PLXNA2: variants seen among roughly 807,000 people sequenced by gnomAD.
PLXNA2 encodes the protein plexin A2.
In PLXNA2, 91 loss-of-function variants were observed where a neutral mutation model predicts 193.5. The ratio of observed to expected loss-of-function variants is 0.47; its 90% confidence interval spans 0.40 to 0.56. The LOEUF (loss-of-function observed/expected upper bound fraction) is 0.56, where lower values mean the gene tolerates loss of function less well. Among genes scored for constraint, PLXNA2 ranks in the 20% least tolerant of loss-of-function variants. The pLI is 0.00. For missense variants in PLXNA2, 1,995 were observed against 2,503.2 expected (o/e 0.80, Z 4.33); for synonymous variants, 997 against 1,027.3 (o/e 0.97, Z 0.56).
chr1:208,203,845 T>C (rs752893077), intron 3 of PLXNA2, among the ~76,000 whole-genome samples: 1 of 152,240 alleles, frequency 6.6e-6, no homozygotes, highest in Non-Finnish European at 1.5e-5. Flanking sequence ...CACGGAAACG[T>C]ATCTTGTAAA....
At chr1:208,076,455 C>A (rs2405519) in intron 12 of PLXNA2, among the ~76,000 whole-genome samples, 1 of 152,192 alleles carries the variant, frequency 6.6e-6, no homozygotes, top group Non-Finnish European at 1.5e-5. Flanking sequence ...GTGAAATCCA[C>A]GGCTATCAAT....
intron 3 of PLXNA2, among the ~76,000 whole-genome samples, chr1:208,148,460 T>G (rs1472767497): frequency 6.6e-6 from 1 of 152,178 alleles, no homozygotes. Flanking sequence ...TTCAGGCAAG[T>G]CATTTCACTT....
intron 3 of PLXNA2, among the ~76,000 whole-genome samples, chr1:208,172,033 A>AG (rs1213523271): frequency 1.3e-5 from 2 of 148,680 alleles, no homozygotes; most frequent in Non-Finnish European, 3.0e-5. Context: ...CCATAAAAAA[A>AG]AAAAAGGCAA....
At chr1:208,039,835 C>T (rs1356861508) in intron 23 of PLXNA2, 68 bp from the exon 24 acceptor site, 2 of 1,609,642 alleles carry the variant, frequency 1.2e-6, no homozygotes, top group African/African-American at 1.3e-5. Context: ...TCCCTTTCCT[C>T]TCTCGGAGCG....
At chr1:208,104,961 A>T (rs978100422) in intron 4 of PLXNA2, among the ~76,000 whole-genome samples, 3 of 152,222 alleles carry the variant, frequency 2.0e-5, no homozygotes, top group African/African-American at 7.2e-5. Flanking sequence ...GAGTTGACTC[A>T]AAGTCAACTC....
chr1:208,197,915 G>T (rs575422574), intron 3 of PLXNA2, among the ~76,000 whole-genome samples: 3 of 152,198 alleles, frequency 2.0e-5, no homozygotes, highest in Admixed American at 6.5e-5. Context: ...TTCAGTAAAA[G>T]GCCCAATACA....
At chr1:208,124,552 G>A (rs1363884582) in intron 4 of PLXNA2, among the ~76,000 whole-genome samples, 13 of 151,728 alleles carry the variant, frequency 8.6e-5, no homozygotes, top group East Asian at 1.9e-4. Context: ...GGTGGCGGGC[G>A]CCTGTAATCC....
At chr1:208,128,478 C>T (rs1384709726) in intron 4 of PLXNA2, among the ~76,000 whole-genome samples, 1 of 150,590 alleles carries the variant, frequency 6.6e-6, no homozygotes, top group Non-Finnish European at 1.5e-5. Flanking sequence ...TTATTGTTAT[C>T]CCCACTTTAC....
intron 3 of PLXNA2, among the ~76,000 whole-genome samples, chr1:208,165,306 T>C (rs1669265170): frequency 6.6e-6 from 1 of 152,176 alleles, no homozygotes; most frequent in Admixed American, 6.5e-5. Flanking sequence ...ACCCTGTGTT[T>C]AGAGAATGTT....
intron 4 of PLXNA2, among the ~76,000 whole-genome samples, chr1:208,116,058 C>A (rs961591970): frequency 6.6e-6 from 1 of 152,190 alleles, no homozygotes; most frequent in African/African-American, 2.4e-5. Context: ...TGCACTCCTG[C>A]CAGGCTGGCC....
intron 13 of PLXNA2, 46 bp from the exon 14 acceptor site, chr1:208,054,584 G>A (rs1361112237): frequency 4.5e-6 from 6 of 1,337,796 alleles, no homozygotes; most frequent in Non-Finnish European, 6.4e-6. Flanking sequence ...GCAAGGGCTG[G>A]CATCGCTGTT....
At chr1:208,110,545 T>A (rs557034349) in intron 4 of PLXNA2, among the ~76,000 whole-genome samples, 1 of 152,350 alleles carries the variant, frequency 6.6e-6, no homozygotes, top group South Asian at 2.1e-4. Context: ...CAGCTGCATG[T>A]ATCCAGTATT....
Position 208,096,841 on chromosome 1 carries a change from T to A in PLXNA2, c.1774A>T (p.Ile592Phe). The A allele has an allele frequency of 1.9e-6, 3 of 1,614,086 alleles. No individual in the cohort carries two copies. The highest frequency in any genetic ancestry group is 2.5e-6 in the Non-Finnish European group (3 of 1,180,006). Reference protein sequence around the residue: ...VSDAPDLSAGIACAFGNLTEV... With the variant: ...VSDAPDLSAGFACAFGNLTEV... ...GTCAGGTTCCCAAAGGCACAGGCGA[T>A]ACCCGCAGATAGATCAGGAGCATCA... The change falls in exon 7 of 32, where the codon ATC (isoleucine) becomes TTC (phenylalanine). Residue 592 changes from isoleucine (I) to phenylalanine (F), a missense_variant. This residue lies in a region of PLXNA2 where 702 missense variants were observed against 812.9 expected (regional missense o/e 0.86). Transcript: ENST00000367033.
At chr1:208,046,724 A>G (rs1227787712) in intron 17 of PLXNA2, among the ~76,000 whole-genome samples, 7 of 151,070 alleles carry the variant, frequency 4.6e-5, no homozygotes, top group African/African-American at 1.7e-4. Flanking sequence ...TTCCAAGCAG[A>G]GGGAACAGCA....
At chr1:208,142,524 G>C (rs1245604715) in intron 3 of PLXNA2, 61 bp from the exon 4 acceptor site, 1 of 1,488,098 alleles carries the variant, frequency 6.7e-7, no homozygotes, top group Non-Finnish European at 8.9e-7. Context: ...TGGGCTACCT[G>C]CCTCTGCCCA....
At chr1:208,101,602 C>T (rs1558192549) in intron 5 of PLXNA2, among the ~76,000 whole-genome samples, 1 of 152,192 alleles carries the variant, frequency 6.6e-6, no homozygotes, top group Non-Finnish European at 1.5e-5. Flanking sequence ...CTGACCTGCA[C>T]CAGGAGGAAG....
At chr1:208,186,109 C>A (rs964655893) in intron 3 of PLXNA2, among the ~76,000 whole-genome samples, 75 of 152,190 alleles carry the variant, frequency 4.9e-4, no homozygotes, top group African/African-American at 1.8e-3. Context: ...CATCACCCTG[C>A]ATCATCATTT....
Position 208,060,717 on chromosome 1 carries a change from G to T in PLXNA2, c.2707C>A (p.Pro903Thr). 1.9e-6 allele frequency: 3 copies of T among 1,614,040 alleles called. No individual in the cohort carries two copies. Among genetic ancestry groups the T allele is most frequent in the Non-Finnish European group, 2.5e-6 (3 of 1,179,944 alleles). Residue 903 changes from proline to threonine, a missense_variant, in exon 13 of 32, where the codon CCC becomes ACC. Pro to Thr is a conservative substitution (Grantham distance 38, BLOSUM62 -1). Coordinates refer to ENST00000367033, the MANE Select transcript of PLXNA2 (RefSeq NM_025179.4). ...GCGATGATGTATTCCCCTGGGAGGG[G>T]CGTGCAGGGCACCCCAGCCACCTGC... ...HVQVAGVPCT[P>T]LPGEYIIAEQ...
At chr1:208,117,001 G>A (rs1271944805) in intron 4 of PLXNA2, among the ~76,000 whole-genome samples, 5 of 152,040 alleles carry the variant, frequency 3.3e-5, no homozygotes, top group African/African-American at 7.2e-5. Context: ...GTGAAACCCC[G>A]TGTCTACAAA....
Sources: gnomAD v4.1 joint callset for allele counts (sites outside exome capture counted in the v4.1 genomes callset) on GRCh38, gnomAD v4.1.1 for gene constraint, gnomAD v4.1.1 regional missense constraint, MANE v1.5 for transcripts, NCBI Gene and HGNC (gene_info 2026-07-23, HGNC 2026-07-21) for gene names.